The following CDH13 variants were observed in gnomAD, a reference collection of about 807,000 sequenced individuals.
The protein encoded by CDH13 is cadherin-13.
CDH13 carries 24 observed loss-of-function variants against 63.8 expected under a neutral mutation model. That is an observed-to-expected ratio of 0.38 (90% confidence interval 0.27 to 0.53). The LOEUF is 0.53. Among genes scored for constraint, CDH13 ranks in the 20% least tolerant of loss-of-function variants. CDH13 has a pLI of 0.85. For missense variants in CDH13, 1,049 were observed against 903.1 expected, an observed-to-expected ratio of 1.16 and a Z score of -2.07; for synonymous variants, 503 against 355.3, an observed-to-expected ratio of 1.42 and a Z score of -4.67.
chr16:83,790,746 T>C (rs746490744), intron 13 of CDH13, among the ~76,000 whole-genome samples: 14 of 152,118 alleles, frequency 9.2e-5, no homozygotes, highest in Admixed American at 2.6e-4. Context: ...ATGAAGTGGA[T>C]GTGTAATTCT....
chr16:83,598,000 C>A (rs953702801), intron 7 of CDH13, among the ~76,000 whole-genome samples: 2 of 152,172 alleles, frequency 1.3e-5, no homozygotes, highest in Non-Finnish European at 2.9e-5. Flanking sequence ...ATCACTGTAT[C>A]TCTAGTATCC....
At chr16:83,328,292 A>T (rs931081606) in intron 5 of CDH13, among the ~76,000 whole-genome samples, 4 of 152,198 alleles carry the variant, frequency 2.6e-5, no homozygotes. Context: ...TATGAGTGAG[A>T]TTAAAAGAGA....
intron 7 of CDH13, among the ~76,000 whole-genome samples, chr16:83,526,026 C>T (rs1023217823): frequency 1.3e-5 from 2 of 152,162 alleles, no homozygotes; most frequent in African/African-American, 4.8e-5. Context: ...TGTTGGACTT[C>T]TGATCTGCAG....
At chr16:83,720,870 C>A (rs1909602861) in intron 10 of CDH13, among the ~76,000 whole-genome samples, 1 of 152,210 alleles carries the variant, frequency 6.6e-6, no homozygotes, top group Admixed American at 6.5e-5. Context: ...TTCTCCCTGG[C>A]ACAACCTTTA....
chr16:83,576,837 C>A (rs1905117542), intron 7 of CDH13, among the ~76,000 whole-genome samples: 1 of 152,150 alleles, frequency 6.6e-6, no homozygotes, highest in African/African-American at 2.4e-5. Context: ...AAGTATTTTG[C>A]CTACATTTTA....
At chr16:82,763,196 A>G (rs1189413099) in intron 1 of CDH13, among the ~76,000 whole-genome samples, 1 of 152,154 alleles carries the variant, frequency 6.6e-6, no homozygotes, top group Non-Finnish European at 1.5e-5. Context: ...TCTTTCAATT[A>G]GAATCTTTAC....
At chr16:82,864,106 C>T (rs927884914) in intron 2 of CDH13, among the ~76,000 whole-genome samples, 7 of 152,306 alleles carry the variant, frequency 4.6e-5, no homozygotes, top group African/African-American at 1.7e-4. Context: ...TTCTTATTTA[C>T]TTCGCTTTTG....
At chr16:83,744,913 G>C (rs1597164016) in intron 10 of CDH13, among the ~76,000 whole-genome samples, 1 of 152,192 alleles carries the variant, frequency 6.6e-6, no homozygotes, top group Non-Finnish European at 1.5e-5. Flanking sequence ...TGAACGGCTG[G>C]GGGGAAGCAG....
intron 3 of CDH13, among the ~76,000 whole-genome samples, chr16:83,059,197 G>T (rs1181589350): frequency 2.0e-5 from 3 of 152,152 alleles, no homozygotes. Flanking sequence ...CAGATCCTCT[G>T]GGAACCCTAT....
intron 6 of CDH13, among the ~76,000 whole-genome samples, chr16:83,416,950 T>A (rs1268045970): frequency 6.6e-6 from 1 of 152,204 alleles, no homozygotes; most frequent in Non-Finnish European, 1.5e-5. Flanking sequence ...ACATGTTAAG[T>A]ACTGTTTAGC....
In CDH13 at chr16:83,748,102, T is replaced by C. The variant is rs944040930; in HGVS notation, c.1539-6T>C. 6.2e-7 allele frequency: 1 copy of C among 1,613,824 alleles called. No homozygotes were observed. Among genetic ancestry groups the C allele is most frequent in the African/African-American group, 1.3e-5 (1 of 74,918 alleles). On this transcript the variant is annotated splice_polypyrimidine_tract_variant and splice_region_variant and intron_variant, in intron 10 of 13. Coordinates refer to ENST00000567109, the MANE Select transcript of CDH13 (RefSeq NM_001257.5). ...CAGAGTCTGACATTGTGGGGATTTT[T>C]TTCAGGTATTCTGTTTACAAGGACC...
intron 1 of CDH13, among the ~76,000 whole-genome samples, chr16:82,706,149 C>T (rs569231028): frequency 3.2e-4 from 49 of 152,006 alleles, no homozygotes; most frequent in East Asian, 9.7e-4. Flanking sequence ...CCTTTCTTTC[C>T]GCCTCCCTTC....
chr16:83,334,808 G>T (rs1409253344), intron 5 of CDH13, among the ~76,000 whole-genome samples: 1 of 152,062 alleles, frequency 6.6e-6, no homozygotes. Flanking sequence ...TTTGTTTAAG[G>T]CACTAAATTT....
At chr16:82,872,734 C>G (rs1338031073) in intron 2 of CDH13, among the ~76,000 whole-genome samples, 1 of 152,212 alleles carries the variant, frequency 6.6e-6, no homozygotes, top group South Asian at 2.1e-4. Flanking sequence ...CTGCATTTGA[C>G]AAAATTCATT....
At chr16:83,495,791 G>C (rs1431585295) in intron 7 of CDH13, among the ~76,000 whole-genome samples, 1 of 152,178 alleles carries the variant, frequency 6.6e-6, no homozygotes, top group African/African-American at 2.4e-5. Context: ...AGATGTCTTA[G>C]ATAGGAATTT....
At chr16:82,742,276 A>C (rs2033966718) in intron 1 of CDH13, among the ~76,000 whole-genome samples, 1 of 152,184 alleles carries the variant, frequency 6.6e-6, no homozygotes, top group Non-Finnish European at 1.5e-5. Flanking sequence ...TAGTGATTAC[A>C]TTTGGATGTA....
intron 5 of CDH13, among the ~76,000 whole-genome samples, chr16:83,236,892 G>A (rs578107210): frequency 7.2e-5 from 11 of 152,158 alleles, no homozygotes; most frequent in Non-Finnish European, 1.5e-4. Flanking sequence ...GACAGAGGTG[G>A]TGGTTCTACA....
intron 6 of CDH13, among the ~76,000 whole-genome samples, chr16:83,416,441 C>CTG (rs2071552325): frequency 6.6e-6 from 1 of 152,202 alleles, no homozygotes; most frequent in Admixed American, 6.5e-5. Context: ...GCAGATTCAC[C>CTG]TGTGACTATA....
At chr16:83,749,666 T>A (rs1281630314) in intron 11 of CDH13, among the ~76,000 whole-genome samples, 1 of 152,184 alleles carries the variant, frequency 6.6e-6, no homozygotes, top group Non-Finnish European at 1.5e-5. Context: ...AACTGAGAGC[T>A]GGACCAGATC....
Sources: allele counts gnomAD v4.1 joint callset (sites outside exome capture counted in the v4.1 genomes callset), GRCh38; gene constraint gnomAD v4.1.1; transcripts MANE v1.5; gene names NCBI Gene and HGNC (gene_info 2026-07-23, HGNC 2026-07-21).